CDH13: variants seen among roughly 807,000 people sequenced by gnomAD.
CDH13 encodes the protein cadherin 13.
A neutral mutation model predicts 63.8 loss-of-function variants in CDH13; 24 were observed. The ratio of observed to expected loss-of-function variants is 0.38; its 90% CI spans 0.27 to 0.53. CDH13 has a LOEUF of 0.53. Among genes scored for constraint, CDH13 ranks in the 20% least tolerant of loss-of-function variants. The pLI is 0.85. For synonymous variants in CDH13, 503 were observed against 355.3 expected, an observed-to-expected ratio of 1.42 and a Z score of -4.67; for missense variants, 1,049 against 903.1, an observed-to-expected ratio of 1.16 and a Z score of -2.07.
intron 8 of CDH13, among the ~76,000 whole-genome samples, chr16:83,610,874 C>A (rs985608215): frequency 6.6e-6 from 1 of 152,132 alleles, no homozygotes; most frequent in Non-Finnish European, 1.5e-5. Flanking sequence ...CGGTTGATTC[C>A]ACCAGAGTAG....
At chr16:82,820,831 T>A (rs113907374) in intron 1 of CDH13, among the ~76,000 whole-genome samples, 18 of 152,342 alleles carry the variant, frequency 1.2e-4, no homozygotes, top group African/African-American at 4.3e-4. Context: ...TTCCATTTTC[T>A]TATTGGAGTA....
intron 8 of CDH13, among the ~76,000 whole-genome samples, chr16:83,624,082 A>T (rs1308362316): frequency 1.3e-5 from 2 of 152,116 alleles, no homozygotes; most frequent in African/African-American, 4.8e-5. Flanking sequence ...GACAATGTGG[A>T]CGGGATGCTC....
At chr16:83,359,907 T>C (rs1442340777) in intron 6 of CDH13, among the ~76,000 whole-genome samples, 1 of 152,228 alleles carries the variant, frequency 6.6e-6, no homozygotes, top group Non-Finnish European at 1.5e-5. Context: ...ACATTTCTAT[T>C]ATCCCAGAAT....
chr16:83,313,625 C>G (rs990359341), intron 5 of CDH13, among the ~76,000 whole-genome samples: 21 of 129,504 alleles, frequency 1.6e-4, no homozygotes, highest in African/African-American at 6.2e-4. Flanking sequence ...AAATGACTCT[C>G]AAGAACCCTT....
intron 3 of CDH13, among the ~76,000 whole-genome samples, chr16:83,041,239 TTAAAAA>T (rs1917306573): frequency 6.6e-6 from 1 of 152,318 alleles, no homozygotes; most frequent in South Asian, 2.1e-4. Context: ...CAAGAATTTC[TTAAAAA>T]TAAAACAAAG....
chr16:83,701,920 T>C (rs1042189398), intron 10 of CDH13, among the ~76,000 whole-genome samples: 1 of 152,212 alleles, frequency 6.6e-6, no homozygotes, highest in Non-Finnish European at 1.5e-5. Context: ...AGCTCTGCCA[T>C]TGAGGGTTGT....
At chr16:83,080,882 T>TTTTG (rs1567810628) in intron 3 of CDH13, among the ~76,000 whole-genome samples, 1 of 114,900 alleles carries the variant, frequency 8.7e-6, no homozygotes, top group Admixed American at 9.1e-5. Flanking sequence ...TTTTTTTTTT[T>TTTTG]TTTTTTTTTT....
At chr16:83,579,370 A>T (rs1043340333) in intron 7 of CDH13, among the ~76,000 whole-genome samples, 3 of 152,184 alleles carry the variant, frequency 2.0e-5, no homozygotes, top group Admixed American at 6.5e-5. Flanking sequence ...TCACAGTTCC[A>T]CAGGCTGTAC....
intron 5 of CDH13, among the ~76,000 whole-genome samples, chr16:83,264,458 G>A (rs1003654280): frequency 4.6e-5 from 7 of 151,236 alleles, no homozygotes; most frequent in Non-Finnish European, 7.4e-5. Flanking sequence ...TATATACATC[G>A]TATATATGTA....
intron 1 of CDH13, among the ~76,000 whole-genome samples, chr16:82,854,400 C>CAAAAAA (rs66969029): frequency 1.2e-4 from 14 of 112,002 alleles, no homozygotes; most frequent in African/African-American, 3.1e-4. Context: ...GGCTCTGTCT[C>CAAAAAA]AAAAAAAAAA....
chr16:83,787,804 G>T (rs13336361), intron 13 of CDH13, among the ~76,000 whole-genome samples: 19,657 of 152,168 alleles, frequency 0.13, 2,106 homozygotes, highest in African/African-American at 0.3. Flanking sequence ...TTAGCCAGGC[G>T]TGGTGGCAAG....
intron 1 of CDH13, among the ~76,000 whole-genome samples, chr16:82,778,071 G>A (rs183218042): frequency 1.3e-5 from 2 of 152,334 alleles, no homozygotes; most frequent in Non-Finnish European, 1.5e-5. Context: ...CCTCAGTGGA[G>A]GGGATTACAC....
At chr16:83,030,628 G>C (rs1288348686) in intron 2 of CDH13, among the ~76,000 whole-genome samples, 5 of 122,066 alleles carry the variant, frequency 4.1e-5, no homozygotes, top group African/African-American at 1.6e-4. Context: ...GGATGACAGA[G>C]CAAGACTCTG....
intron 1 of CDH13, among the ~76,000 whole-genome samples, chr16:82,795,944 CTTT>C (rs74501986): frequency 5.1e-5 from 7 of 136,186 alleles, no homozygotes; most frequent in African/African-American, 8.2e-5. Flanking sequence ...ACCCTTCATT[CTTT>C]TTTTTTTTTT....
At chr16:83,045,418 C>G (rs1259363412) in intron 3 of CDH13, among the ~76,000 whole-genome samples, 1 of 151,938 alleles carries the variant, frequency 6.6e-6, no homozygotes, top group African/African-American at 2.4e-5. Context: ...GCAGGTGGAT[C>G]ACGATATCAG....
chr16:83,028,940 T>C (rs1916063861), intron 2 of CDH13, among the ~76,000 whole-genome samples: 1 of 152,174 alleles, frequency 6.6e-6, no homozygotes, highest in Admixed American at 6.5e-5. Flanking sequence ...AGGCAAATGG[T>C]CCAGGGTTCA....
chr16:83,713,949 C>G (rs375738557), intron 10 of CDH13, among the ~76,000 whole-genome samples: 45 of 152,212 alleles, frequency 3.0e-4, no homozygotes, highest in African/African-American at 8.9e-4. Flanking sequence ...AGCTCCCCAG[C>G]TCTGCACCCC....
intron 2 of CDH13, among the ~76,000 whole-genome samples, chr16:83,018,006 C>A (rs1373084909): frequency 2.0e-5 from 3 of 152,284 alleles, no homozygotes; most frequent in South Asian, 4.1e-4. Context: ...TGAAAAAACT[C>A]TCTTCTTTTT....
chr16:82,802,302 G>C (rs1240851333), intron 1 of CDH13, among the ~76,000 whole-genome samples: 5 of 152,158 alleles, frequency 3.3e-5, no homozygotes, highest in Non-Finnish European at 7.3e-5. Context: ...GACAACAACA[G>C]TGTCTCCCAC....
Sources: gnomAD v4.1 joint callset for allele counts (sites outside exome capture counted in the v4.1 genomes callset) on GRCh38, gnomAD v4.1.1 for gene constraint, MANE v1.5 for transcripts, NCBI Gene and HGNC (gene_info 2026-07-23, HGNC 2026-07-21) for gene names.